The following SPIDR variants were observed in gnomAD, a reference collection of about 807,000 sequenced individuals.
SPIDR encodes the protein DNA repair-scaffolding protein.
In SPIDR, 93 loss-of-function variants were observed where a neutral mutation model predicts 104.6. The ratio of observed to expected loss-of-function variants is 0.89; its 90% CI spans 0.75 to 1.06. The LOEUF (loss-of-function observed/expected upper bound fraction) is 1.06. Among genes scored for constraint, SPIDR ranks in the 50% least tolerant of loss-of-function variants. The probability of loss-of-function intolerance (pLI) is 0.00; values close to 1 mark genes in which losing one functional copy is unlikely to be tolerated. For synonymous variants in SPIDR, 431 were observed against 416.9 expected (o/e 1.03, Z -0.41); for missense variants, 1,154 against 1,111.2 (o/e 1.04, Z -0.55).
intron 1 of SPIDR, among the ~76,000 whole-genome samples, chr8:47,265,743 G>C (rs1554546142): frequency 6.6e-6 from 1 of 152,134 alleles, no homozygotes; most frequent in African/African-American, 2.4e-5. Flanking sequence ...ACAGACAATT[G>C]TGAGTAATAT....
intron 5 of SPIDR, among the ~76,000 whole-genome samples, chr8:47,309,351 A>G (rs1221623809): frequency 5.3e-5 from 8 of 152,178 alleles, no homozygotes; most frequent in Admixed American, 5.2e-4. Context: ...GTTATTTTAT[A>G]TTATAACTCA....
intron 10 of SPIDR, among the ~76,000 whole-genome samples, chr8:47,633,340 T>A (rs900930811): frequency 6.6e-6 from 1 of 151,982 alleles, no homozygotes; most frequent in Admixed American, 6.6e-5. Context: ...AAGTGTTTCC[T>A]TGTCTCCTCC....
chr8:47,411,048 C>G (rs1169132061), intron 7 of SPIDR, among the ~76,000 whole-genome samples: 2 of 152,162 alleles, frequency 1.3e-5, no homozygotes, highest in Non-Finnish European at 2.9e-5. Flanking sequence ...TTTTCTTAAT[C>G]CAGTCTATCA....
intron 5 of SPIDR, among the ~76,000 whole-genome samples, chr8:47,355,794 A>G (rs1389068338): frequency 6.6e-6 from 1 of 152,142 alleles, no homozygotes; most frequent in African/African-American, 2.4e-5. Context: ...AACACTATTA[A>G]ATATTTTTTA....
chr8:47,420,102 G>T (rs1226230795), intron 7 of SPIDR, among the ~76,000 whole-genome samples: 6 of 152,178 alleles, frequency 3.9e-5, no homozygotes, highest in Non-Finnish European at 7.3e-5. Flanking sequence ...TTGATTTGGG[G>T]TGGAGAGTTC....
chr8:47,578,412 C>G (rs2059365596), intron 8 of SPIDR, among the ~76,000 whole-genome samples: 1 of 151,980 alleles, frequency 6.6e-6, no homozygotes, highest in Non-Finnish European at 1.5e-5. Flanking sequence ...GCAGAGCTTG[C>G]AATGAGCAGA....
intron 10 of SPIDR, among the ~76,000 whole-genome samples, chr8:47,614,628 AT>A (rs1353561306): frequency 2.6e-5 from 4 of 152,190 alleles, no homozygotes; most frequent in African/African-American, 9.6e-5. Flanking sequence ...TGTCTTTGCT[AT>A]TGTGAATAAT....
Position 47,396,357 on chromosome 8 carries a change from T to C in SPIDR, c.526-19T>C. On this transcript the variant is annotated intron_variant, in intron 5 of 19. Transcript: ENST00000297423. ...TCCTTTGTATTTAAAAATATGCCTT[T>C]CTTTTAATTTTTTTTCAGCCAAGTT... The C allele has an allele frequency of 1.3e-6, 2 of 1,553,000 alleles. No homozygotes were observed. The highest frequency in any genetic ancestry group is 4.5e-5 in the East Asian group (2 of 44,522).
At chr8:47,416,698 G>A (rs1320372946) in intron 7 of SPIDR, among the ~76,000 whole-genome samples, 4 of 151,880 alleles carry the variant, frequency 2.6e-5, no homozygotes, top group African/African-American at 9.7e-5. Context: ...GTATATATGT[G>A]CCATGTTGGT....
intron 5 of SPIDR, 104 bp downstream of exon 5, chr8:47,294,134 A>C (rs1034772649): frequency 1.4e-5 from 20 of 1,445,578 alleles, no homozygotes; most frequent in Non-Finnish European, 1.9e-5. Context: ...CCTCGAGAAC[A>C]ACCACTTTTG....
intron 8 of SPIDR, among the ~76,000 whole-genome samples, chr8:47,587,889 C>T (rs547239542): frequency 4.0e-5 from 6 of 150,668 alleles, no homozygotes; most frequent in Admixed American, 1.3e-4. Flanking sequence ...CCTTCAATAA[C>T]ACCATATAAT....
intron 8 of SPIDR, among the ~76,000 whole-genome samples, chr8:47,563,292 A>G (rs1444586009): frequency 1.3e-5 from 2 of 151,828 alleles, no homozygotes; most frequent in East Asian, 3.9e-4. Context: ...GCCTCGGCTC[A>G]CCAAGTAGCT....
chr8:47,571,910 A>C (rs945019266), intron 8 of SPIDR, among the ~76,000 whole-genome samples: 2 of 152,176 alleles, frequency 1.3e-5, no homozygotes, highest in African/African-American at 4.8e-5. Flanking sequence ...CTGAAACCAC[A>C]AAAAACAAAA....
intron 8 of SPIDR, among the ~76,000 whole-genome samples, chr8:47,586,711 T>G (rs1327792940): frequency 6.6e-6 from 1 of 152,192 alleles, no homozygotes; most frequent in East Asian, 1.9e-4. Context: ...AAAGGGGGTC[T>G]TTCTTAGAGC....
At chr8:47,503,351 T>TTAGC (rs1195162481) in intron 8 of SPIDR, among the ~76,000 whole-genome samples, 2 of 152,218 alleles carry the variant, frequency 1.3e-5, no homozygotes, top group Non-Finnish European at 2.9e-5. Context: ...TTTAGGATAG[T>TTAGC]TAGCTCTTCT....
At chr8:47,619,058 G>A (rs889383021) in intron 10 of SPIDR, among the ~76,000 whole-genome samples, 3 of 152,216 alleles carry the variant, frequency 2.0e-5, no homozygotes, top group African/African-American at 7.2e-5. Context: ...GAAGGGAGAA[G>A]TTTGAATTTT....
chr8:47,264,966 T>TTA (rs1184762935), intron 1 of SPIDR, among the ~76,000 whole-genome samples: 1 of 152,130 alleles, frequency 6.6e-6, no homozygotes, highest in African/African-American at 2.4e-5. Context: ...CTCTACTGCT[T>TTA]TGTCTCTAGA....
intron 16 of SPIDR, among the ~76,000 whole-genome samples, chr8:47,726,912 G>A (rs965250075): frequency 2.3e-4 from 35 of 152,130 alleles, no homozygotes; most frequent in African/African-American, 6.8e-4. Flanking sequence ...ACTGAGGGCC[G>A]GCTCAGCTGT....
At chr8:47,277,948 C>T (rs1328522703) in intron 1 of SPIDR, among the ~76,000 whole-genome samples, 2 of 152,180 alleles carry the variant, frequency 1.3e-5, no homozygotes, top group African/African-American at 2.4e-5. Context: ...GCTGGGATTA[C>T]AGGCATGAGC....
Sources: allele counts gnomAD v4.1 joint callset (sites outside exome capture counted in the v4.1 genomes callset), GRCh38; gene constraint gnomAD v4.1.1; transcripts MANE v1.5; gene names NCBI Gene and HGNC (gene_info 2026-07-23, HGNC 2026-07-21).